Variants in CACNA2D1 observed in about 807,000 individuals in gnomAD.
The protein encoded by CACNA2D1 is calcium voltage-gated channel auxiliary subunit alpha2delta 1.
A neutral mutation model predicts 171.5 loss-of-function variants in CACNA2D1; 53 were observed. The ratio of observed to expected loss-of-function variants is 0.31; its 90% CI spans 0.25 to 0.39. CACNA2D1 has a LOEUF of 0.39. Ranked by LOEUF, CACNA2D1 falls within the 10% of genes least tolerant of loss-of-function variation. CACNA2D1 has a pLI of 1.00. For missense variants in CACNA2D1, 903 were observed against 1,299.8 expected, an observed-to-expected ratio of 0.69 and a Z score of 4.69; for synonymous variants, 442 against 443.1, an observed-to-expected ratio of 1.00 and a Z score of 0.03.
intron 3 of CACNA2D1, among the ~76,000 whole-genome samples, chr7:82,301,823 T>A (rs1585402943): frequency 6.6e-6 from 1 of 151,048 alleles, no homozygotes; most frequent in East Asian, 2.0e-4. Flanking sequence ...AGTTGTGCAA[T>A]CTCAGCTGAC....
intron 3 of CACNA2D1, among the ~76,000 whole-genome samples, chr7:82,305,838 A>G (rs1813664127): frequency 1.3e-5 from 2 of 152,172 alleles, no homozygotes; most frequent in Non-Finnish European, 2.9e-5. Flanking sequence ...ACGTAACCAA[A>G]AGCTCTTTTG....
intron 32 of CACNA2D1, among the ~76,000 whole-genome samples, chr7:81,965,355 TA>T (rs1794610584): frequency 6.6e-6 from 1 of 151,932 alleles, no homozygotes; most frequent in Non-Finnish European, 1.5e-5. Flanking sequence ...CATGTCATGC[TA>T]AAATCCTTAA....
chr7:82,127,887 T>G (rs1394906335), intron 5 of CACNA2D1, among the ~76,000 whole-genome samples: 1 of 152,134 alleles, frequency 6.6e-6, no homozygotes. Flanking sequence ...TCCAATAATT[T>G]ATCCCAGTTA....
At chr7:82,011,189 A>G (rs570882225) in intron 15 of CACNA2D1, among the ~76,000 whole-genome samples, 5 of 152,268 alleles carry the variant, frequency 3.3e-5, no homozygotes, top group East Asian at 3.9e-4. Context: ...GGGGTGTCCA[A>G]TCTTTTGGCT....
At chr7:82,080,975 T>A (rs1166603321) in intron 7 of CACNA2D1, among the ~76,000 whole-genome samples, 1 of 152,210 alleles carries the variant, frequency 6.6e-6, no homozygotes, top group African/African-American at 2.4e-5. Context: ...TTGATCACAA[T>A]AACCCCCAGG....
At chr7:82,092,932 G>A (rs1382884341) in intron 6 of CACNA2D1, among the ~76,000 whole-genome samples, 1 of 151,636 alleles carries the variant, frequency 6.6e-6, no homozygotes, top group African/African-American at 2.4e-5. Context: ...AAATGAAGCC[G>A]GAAGCCATAG....
chr7:82,360,471 T>A (rs1820968672), intron 1 of CACNA2D1, among the ~76,000 whole-genome samples: 1 of 152,156 alleles, frequency 6.6e-6, no homozygotes, highest in African/African-American at 2.4e-5. Flanking sequence ...CAAGTACCAT[T>A]TATTTTACTT....
intron 3 of CACNA2D1, among the ~76,000 whole-genome samples, chr7:82,217,410 T>C (rs1484973825): frequency 3.9e-5 from 3 of 76,232 alleles, no homozygotes; most frequent in Admixed American, 2.9e-4. Context: ...TATATATATA[T>C]ATATATATAT....
In CACNA2D1 at chr7:82,079,818, T is replaced by TA. The variant is rs1281187380; in HGVS notation, c.658+4950dup. 3.3e-5 allele frequency among the ~76,000 whole-genome samples: 5 copies of TA among 151,784 alleles called. No homozygotes were observed. In the South Asian group the frequency reaches 1.0e-3, roughly 32 times the overall value. On this transcript the variant is annotated intron_variant, in intron 7 of 38. Transcript: ENST00000356860. Reference sequence around the variant, plus strand: ...TGGTCAAAGGACGCATAATTACAGTTAGAGAGGAGGAATAAATTCAAGAAA... The same window carrying TA: ...TGGTCAAAGGACGCATAATTACAGTTAAGAGAGGAGGAATAAATTCAAGAAA...
rs911351763 is a variant in CACNA2D1, at chr7:82,090,489, T to A, written c.527-5589A>T. Among the ~76,000 whole-genome samples the A allele has an allele frequency of 2.0e-5, 3 of 152,060 alleles. No individual in the cohort carries two copies. In the East Asian group the frequency reaches 5.8e-4, roughly 29 times the overall value. On this transcript the variant is annotated intron_variant, in intron 6 of 38. Coordinates refer to ENST00000356860, the MANE Select transcript of CACNA2D1 (RefSeq NM_000722.4). ...CCATTTCATGTAATTTATAATACTA[T>A]TCTATTACAGCCTTGCATTGAGATA...
At chr7:82,342,487 T>C (rs1318071068) in intron 2 of CACNA2D1, among the ~76,000 whole-genome samples, 1 of 152,220 alleles carries the variant, frequency 6.6e-6, no homozygotes, top group Non-Finnish European at 1.5e-5. Flanking sequence ...AAAATCAGTA[T>C]TTATTTTAAA....
intron 1 of CACNA2D1, among the ~76,000 whole-genome samples, chr7:82,355,573 A>G (rs1820327325): frequency 6.6e-6 from 1 of 152,126 alleles, no homozygotes; most frequent in Admixed American, 6.6e-5. Flanking sequence ...CAAGGTACAT[A>G]TGCAACAGGA....
chr7:82,389,106 A>C (rs1824775788), intron 1 of CACNA2D1, among the ~76,000 whole-genome samples: 1 of 149,114 alleles, frequency 6.7e-6, no homozygotes, highest in African/African-American at 2.5e-5. Context: ...ACAGAGCGAG[A>C]CTCCATCTCA....
At chr7:82,439,413 G>C (rs1830332594) in intron 1 of CACNA2D1, among the ~76,000 whole-genome samples, 1 of 151,772 alleles carries the variant, frequency 6.6e-6, no homozygotes, top group African/African-American at 2.4e-5. Context: ...CAGTCAGTTT[G>C]TTGTGAAGAA....
intron 11 of CACNA2D1, among the ~76,000 whole-genome samples, chr7:82,033,802 G>A (rs1426394106): frequency 1.3e-5 from 2 of 152,034 alleles, no homozygotes; most frequent in African/African-American, 2.4e-5. Context: ...GGACTTCTCC[G>A]AGGTCCAAAA....
intron 6 of CACNA2D1, among the ~76,000 whole-genome samples, chr7:82,116,337 T>G (rs548088368): frequency 6.6e-6 from 1 of 152,224 alleles, no homozygotes; most frequent in Non-Finnish European, 1.5e-5. Flanking sequence ...CTCTGATTAA[T>G]GCAAAGCGTG....
chr7:81,975,804 A>ATGTACATAGTAG (rs111649872), intron 24 of CACNA2D1, among the ~76,000 whole-genome samples: 115,591 of 151,684 alleles, frequency 0.76, 44,209 homozygotes, highest in African/African-American at 0.82. Context: ...GGAATGAATC[A>ATGTACATAGTAG]TGTATACAAC....
intron 7 of CACNA2D1, among the ~76,000 whole-genome samples, chr7:82,082,368 A>G (rs1809904652): frequency 6.6e-6 from 1 of 152,024 alleles, no homozygotes; most frequent in African/African-American, 2.4e-5. Flanking sequence ...AGCAGAAGGA[A>G]TGTATGGGTC....
chr7:82,040,180 A>T lies in CACNA2D1; in HGVS notation c.880-1945T>A, dbSNP rs116838659. Among the ~76,000 whole-genome samples the T allele has an allele frequency of 5.3e-3, 803 of 152,286 alleles. 10 individuals are homozygous for T. The highest frequency in any genetic ancestry group is 0.018 in the African/African-American group (764 of 41,570). ...AGAATTCAGGAGGTATTTCTGAGAAAGAATCAAATAGGACTTGGTGGTGGA... is the reference window on the plus strand; with the variant it reads ...AGAATTCAGGAGGTATTTCTGAGAATGAATCAAATAGGACTTGGTGGTGGA... On this transcript the variant is annotated intron_variant, in intron 10 of 38. Coordinates refer to ENST00000356860, the MANE Select transcript of CACNA2D1 (RefSeq NM_000722.4).
Sources: gnomAD v4.1 joint callset for allele counts (sites outside exome capture counted in the v4.1 genomes callset) on GRCh38, gnomAD v4.1.1 for gene constraint, MANE v1.5 for transcripts, NCBI Gene and HGNC (gene_info 2026-07-23, HGNC 2026-07-21) for gene names.